The following NRG1 variants were observed in gnomAD, a reference collection of about 807,000 sequenced individuals.
The protein encoded by NRG1 is pro-neuregulin-1, membrane-bound isoform.
NRG1 carries 18 observed loss-of-function variants against 63.8 expected under a neutral mutation model. The ratio of observed to expected loss-of-function variants is 0.28; its 90% confidence interval spans 0.19 to 0.42. The LOEUF (loss-of-function observed/expected upper bound fraction) is 0.42. NRG1 is among the 10% of genes least tolerant of loss of function. The pLI, the probability that NRG1 is intolerant of heterozygous loss-of-function variation, is 1.00. For missense variants in NRG1, 762 were observed against 814.7 expected, an observed-to-expected ratio of 0.94 and a Z score of 0.79; for synonymous variants, 302 against 301.3, an observed-to-expected ratio of 1.00 and a Z score of -0.02.
chr8:32,283,664 G>C (rs1414418859), intron 1 of NRG1, among the ~76,000 whole-genome samples: 2 of 152,176 alleles, frequency 1.3e-5, no homozygotes, highest in Non-Finnish European at 2.9e-5. Context: ...TTCTATTAGA[G>C]TTTCTCTTTT....
At chr8:32,058,825 A>G (rs559858954) in intron 1 of NRG1, among the ~76,000 whole-genome samples, 60 of 152,002 alleles carry the variant, frequency 3.9e-4, no homozygotes, top group African/African-American at 7.7e-4. Context: ...TTTATTCCCC[A>G]CGAGATGAAA....
At chr8:32,390,602 T>TAAAAAAAAAAAAAAAA (rs66980062) in intron 1 of NRG1, among the ~76,000 whole-genome samples, 1 of 130,656 alleles carries the variant, frequency 7.7e-6, no homozygotes. Context: ...GACCCTGTCT[T>TAAAAAAAAAAAAAAAA]AAAAAAAAAA....
intron 1 of NRG1, among the ~76,000 whole-genome samples, chr8:31,707,622 T>A (rs1811278476): frequency 6.6e-6 from 1 of 152,176 alleles, no homozygotes; most frequent in Admixed American, 6.5e-5. Flanking sequence ...ATGATATTAC[T>A]TTTTCAGTTG....
At chr8:32,453,363 G>T (rs1022987048) in intron 1 of NRG1, among the ~76,000 whole-genome samples, 5 of 152,140 alleles carry the variant, frequency 3.3e-5, no homozygotes, top group African/African-American at 9.7e-5. Flanking sequence ...TGATGTGTCA[G>T]TTCAGAAAAT....
intron 3 of NRG1, among the ~76,000 whole-genome samples, chr8:32,612,777 C>T (rs113901903): frequency 0.028 from 4,317 of 151,950 alleles, 216 homozygotes; most frequent in African/African-American, 0.098. Context: ...GGACTTCTGC[C>T]CAGCTCTAGT....
intron 1 of NRG1, among the ~76,000 whole-genome samples, chr8:32,163,463 A>G (rs1025000357): frequency 6.6e-6 from 1 of 152,174 alleles, no homozygotes; most frequent in Non-Finnish European, 1.5e-5. Flanking sequence ...AAACACAAGC[A>G]TCAATGTTGC....
intron 1 of NRG1, among the ~76,000 whole-genome samples, chr8:32,366,677 G>GTATGTATATATA (rs1554519435): frequency 1.7e-4 from 15 of 87,520 alleles, no homozygotes; most frequent in African/African-American, 3.7e-4. Flanking sequence ...GTGTGTGTGT[G>GTATGTATATATA]TATATATATA....
chr8:32,525,391 G>GGGGTGTGT (rs201406545), intron 1 of NRG1, among the ~76,000 whole-genome samples: 19 of 145,890 alleles, frequency 1.3e-4, no homozygotes, highest in Middle Eastern at 3.5e-3. Flanking sequence ...ATGAGGTAGG[G>GGGGTGTGT]GTGTGTGTGT....
intron 1 of NRG1, among the ~76,000 whole-genome samples, chr8:32,329,874 C>A (rs1802432782): frequency 6.6e-6 from 1 of 151,226 alleles, no homozygotes; most frequent in Admixed American, 6.6e-5. Context: ...GGTCTTATTT[C>A]TCTTTTTAAA....
intron 1 of NRG1, among the ~76,000 whole-genome samples, chr8:32,239,198 A>G (rs1247558101): frequency 6.6e-6 from 1 of 152,124 alleles, no homozygotes; most frequent in Non-Finnish European, 1.5e-5. Context: ...CTTAATTTAA[A>G]ACAGAGACAA....
intron 1 of NRG1, among the ~76,000 whole-genome samples, chr8:32,164,684 A>G (rs7815585): frequency 0.078 from 11,831 of 152,258 alleles, 1,033 homozygotes; most frequent in African/African-American, 0.22. Context: ...TACTCACAAC[A>G]TAAGTTGGAT....
At chr8:32,386,997 A>C in intron 1 of NRG1, among the ~76,000 whole-genome samples, 1 of 152,218 alleles carries the variant, frequency 6.6e-6, no homozygotes, top group East Asian at 1.9e-4. Context: ...AAAATGTCAG[A>C]GGCTGAGAAC....
chr8:32,129,764 G>T (rs1834561985), intron 1 of NRG1, among the ~76,000 whole-genome samples: 3 of 151,836 alleles, frequency 2.0e-5, no homozygotes, highest in African/African-American at 7.3e-5. Flanking sequence ...CTTAAATAAG[G>T]CATGTGTATA....
chr8:31,701,438 CT>C (rs1585766737), intron 1 of NRG1, among the ~76,000 whole-genome samples: 1 of 152,220 alleles, frequency 6.6e-6, no homozygotes, highest in East Asian at 1.9e-4. Flanking sequence ...ATATTCCGAA[CT>C]TAATTCTTTG....
At chr8:32,443,462 G>A (rs893311947) in intron 1 of NRG1, among the ~76,000 whole-genome samples, 2 of 152,198 alleles carry the variant, frequency 1.3e-5, no homozygotes, top group Non-Finnish European at 2.9e-5. Context: ...AAAAGATGCA[G>A]CAAGGTGAAC....
At chr8:31,671,438 G>A (rs550043256) in intron 1 of NRG1, among the ~76,000 whole-genome samples, 1 of 152,168 alleles carries the variant, frequency 6.6e-6, no homozygotes, top group African/African-American at 2.4e-5. Context: ...TATGTAGCTG[G>A]CAAACTTATC....
intron 1 of NRG1, among the ~76,000 whole-genome samples, chr8:32,033,438 T>G (rs113522582): frequency 0.08 from 12,129 of 152,222 alleles, 1,584 homozygotes; most frequent in African/African-American, 0.27. Flanking sequence ...TGAGCTCTTT[T>G]GTAGTTTTAT....
intron 1 of NRG1, among the ~76,000 whole-genome samples, chr8:31,683,957 G>A (rs182611643): frequency 6.6e-6 from 1 of 152,244 alleles, no homozygotes; most frequent in Non-Finnish European, 1.5e-5. Context: ...AGGATTAAGA[G>A]AATTAAACAT....
intron 1 of NRG1, among the ~76,000 whole-genome samples, chr8:31,745,699 T>C (rs2131425453): frequency 6.6e-6 from 1 of 152,022 alleles, no homozygotes; most frequent in East Asian, 2.0e-4. Flanking sequence ...ATTGAGACTC[T>C]GTGATGATAC....
Sources: allele counts gnomAD v4.1 joint callset (sites outside exome capture counted in the v4.1 genomes callset), GRCh38; gene constraint gnomAD v4.1.1; transcripts MANE v1.5; gene names NCBI Gene and HGNC (gene_info 2026-07-23, HGNC 2026-07-21).